The following ZNF385D variants were observed in gnomAD, a reference collection of about 807,000 sequenced individuals.
The protein encoded by ZNF385D is zinc finger protein 659.
ZNF385D carries 15 observed loss-of-function variants against 35.8 expected under a neutral mutation model. The ratio of observed to expected loss-of-function variants is 0.42; its 90% CI spans 0.28 to 0.64. The LOEUF (loss-of-function observed/expected upper bound fraction) is 0.64, where lower values mean the gene tolerates loss of function less well. ZNF385D is among the 30% of genes least tolerant of loss of function. The probability of loss-of-function intolerance (pLI) is 0.23; values close to 1 mark genes in which losing one functional copy is unlikely to be tolerated. For synonymous variants in ZNF385D, 212 were observed against 186.8 expected (o/e 1.13, Z -1.10); for missense variants, 474 against 494.6 (o/e 0.96, Z 0.39).
At chr3:21,652,684 C>T (rs918117998) in intron 2 of ZNF385D, among the ~76,000 whole-genome samples, 1 of 141,014 alleles carries the variant, frequency 7.1e-6, no homozygotes, top group African/African-American at 2.6e-5. Context: ...TCCATGTGTT[C>T]TCATTGTTCA....
intron 3 of ZNF385D, among the ~76,000 whole-genome samples, chr3:21,847,934 C>T (rs1209395948): frequency 6.6e-6 from 1 of 151,988 alleles, no homozygotes; most frequent in African/African-American, 2.4e-5. Flanking sequence ...ATACCTAGGA[C>T]ATTTTCATCT....
chr3:21,965,367 T>C (rs1702856371), intron 3 of ZNF385D, among the ~76,000 whole-genome samples: 1 of 152,048 alleles, frequency 6.6e-6, no homozygotes, highest in African/African-American at 2.4e-5. Context: ...GTACTAATGA[T>C]GGGGAAACAC....
intron 2 of ZNF385D, among the ~76,000 whole-genome samples, chr3:22,263,381 C>T (rs924813057): frequency 6.6e-6 from 1 of 151,994 alleles, no homozygotes; most frequent in African/African-American, 2.4e-5. Flanking sequence ...ACAAAACTTT[C>T]ATCTTTCAAC....
chr3:22,202,501 A>G (rs934617157), intron 2 of ZNF385D, among the ~76,000 whole-genome samples: 1 of 152,084 alleles, frequency 6.6e-6, no homozygotes, highest in African/African-American at 2.4e-5. Flanking sequence ...CAAGATGGCC[A>G]AATGGAAGCT....
chr3:21,867,098 T>C (rs1245480773), intron 3 of ZNF385D, among the ~76,000 whole-genome samples: 2 of 152,066 alleles, frequency 1.3e-5, no homozygotes, highest in South Asian at 4.1e-4. Context: ...AGTGAGGGCC[T>C]TGCTGCATCA....
chr3:21,578,897 A>AT (rs993529174), intron 2 of ZNF385D, among the ~76,000 whole-genome samples: 26 of 152,054 alleles, frequency 1.7e-4, no homozygotes, highest in Non-Finnish European at 3.1e-4. Context: ...TAAGGATTGC[A>AT]TTTTTTTAGA....
chr3:21,614,789 A>G (rs938186071), intron 2 of ZNF385D, among the ~76,000 whole-genome samples: 2 of 152,136 alleles, frequency 1.3e-5, no homozygotes, highest in African/African-American at 4.8e-5. Flanking sequence ...GGGTTTTACC[A>G]TGTTGGCCAG....
chr3:21,983,575 T>C (rs1241586081), intron 3 of ZNF385D, among the ~76,000 whole-genome samples: 2 of 145,008 alleles, frequency 1.4e-5, no homozygotes, highest in Admixed American at 7.1e-5. Flanking sequence ...TGTTGGACAT[T>C]TGGGTTGGTT....
chr3:22,020,683 C>A (rs1697169102), intron 3 of ZNF385D, among the ~76,000 whole-genome samples: 1 of 151,898 alleles, frequency 6.6e-6, no homozygotes. Flanking sequence ...GGTTAGAATG[C>A]AAATTAGTAT....
chr3:21,437,707 A>AAAAAAAAC lies in ZNF385D; in HGVS notation c.440-505_440-504insGTTTTTTT, dbSNP rs1553632275. 3.7e-4 allele frequency among the ~76,000 whole-genome samples: 51 copies of AAAAAAAAC among 138,246 alleles called. 1 individual carries two copies. Among genetic ancestry groups the AAAAAAAAC allele is most frequent in the Middle Eastern group, 7.8e-3 (2 of 258 alleles). 90.7% of individuals were successfully genotyped at this position (138,246 alleles called of 152,430 possible). ...CCTTTTGCAAATGCTTATACAAAAAAAAAAAAAAAAAACCGGAACCCTGAT... is the reference window on the plus strand; with the variant it reads ...CCTTTTGCAAATGCTTATACAAAAAAAAAAAAACAAAAAAAAAAAACCGGAACCCTGAT... On this transcript the variant is annotated intron_variant, in intron 4 of 7. Coordinates refer to ENST00000281523, the MANE Select transcript of ZNF385D (RefSeq NM_024697.3).
At chr3:22,170,563 A>T (rs1163287295) in intron 2 of ZNF385D, among the ~76,000 whole-genome samples, 1 of 152,208 alleles carries the variant, frequency 6.6e-6, no homozygotes, top group Admixed American at 6.5e-5. Flanking sequence ...TTCCTTTTAA[A>T]AAGGAAACTC....
At chr3:21,739,713 A>T (rs771401980) in intron 1 of ZNF385D, among the ~76,000 whole-genome samples, 2 of 152,190 alleles carry the variant, frequency 1.3e-5, no homozygotes, top group Non-Finnish European at 2.9e-5. Context: ...TTGTACAGAG[A>T]TGATGCAATA....
At chr3:21,714,906 A>G (rs1207835173) in intron 1 of ZNF385D, among the ~76,000 whole-genome samples, 2 of 152,182 alleles carry the variant, frequency 1.3e-5, no homozygotes, top group Non-Finnish European at 2.9e-5. Context: ...CTAAAATGTA[A>G]CAGATGAACG....
Position 22,202,763 on chromosome 3 carries a change from G to T in ZNF385D, c.107-33728C>A, listed in dbSNP as rs188386753. ...GAGCTTGGGGAAAAGACAGCACATTGAATGTGGGACTTTGCATGGGCAGGC... is the reference window on the plus strand; with the variant it reads ...GAGCTTGGGGAAAAGACAGCACATTTAATGTGGGACTTTGCATGGGCAGGC... On this transcript the variant is annotated intron_variant, in intron 2 of 5. Transcript: ENST00000494108. 9.9e-5 allele frequency among the ~76,000 whole-genome samples: 15 copies of T among 152,206 alleles called. No homozygotes were observed. In the East Asian group the frequency reaches 2.5e-3, roughly 26 times the overall value.
intron 2 of ZNF385D, among the ~76,000 whole-genome samples, chr3:21,572,948 AC>A (rs962217041): frequency 1.3e-4 from 10 of 79,110 alleles, no homozygotes; most frequent in Admixed American, 8.7e-4. Context: ...GGAAGTAGAC[AC>A]TTTTTTTTTT....
intron 3 of ZNF385D, among the ~76,000 whole-genome samples, chr3:21,953,985 G>T (rs990083329): frequency 1.3e-5 from 2 of 151,922 alleles, no homozygotes; most frequent in African/African-American, 4.8e-5. Flanking sequence ...ATAAATATAA[G>T]CTGGACAAAA....
chr3:21,806,348 G>A (rs2072646991), intron 3 of ZNF385D, among the ~76,000 whole-genome samples: 1 of 151,954 alleles, frequency 6.6e-6, no homozygotes, highest in Admixed American at 6.6e-5. Flanking sequence ...GGGACTACAG[G>A]CGCCTGTCAC....
intron 2 of ZNF385D, among the ~76,000 whole-genome samples, chr3:21,599,695 T>G (rs2064225519): frequency 6.6e-6 from 1 of 152,198 alleles, no homozygotes; most frequent in Non-Finnish European, 1.5e-5. Flanking sequence ...GAAAATAGAA[T>G]AGTCTGAAGA....
At chr3:21,880,338 C>T (rs192100128) in intron 3 of ZNF385D, among the ~76,000 whole-genome samples, 5 of 152,014 alleles carry the variant, frequency 3.3e-5, no homozygotes, top group African/African-American at 7.2e-5. Flanking sequence ...ATTTTTCCAA[C>T]AGCATGTGCT....
Sources: allele counts gnomAD v4.1 joint callset (sites outside exome capture counted in the v4.1 genomes callset), GRCh38; gene constraint gnomAD v4.1.1; transcripts MANE v1.5; gene names NCBI Gene and HGNC (gene_info 2026-07-23, HGNC 2026-07-21).